Variants in RRM2B observed in about 807,000 individuals in gnomAD.
The protein encoded by RRM2B is ribonucleoside-diphosphate reductase subunit M2 B.
A neutral mutation model predicts 45.9 loss-of-function variants in RRM2B; 20 were observed. The observed-to-expected ratio is 0.44, with a 90% CI of 0.31 to 0.63. The LOEUF is 0.63. Ranked by LOEUF, RRM2B falls within the 30% of genes least tolerant of loss-of-function variation. RRM2B has a pLI of 0.09. For missense variants in RRM2B, 320 were observed against 414.7 expected, an observed-to-expected ratio of 0.77 and a Z score of 1.98; for synonymous variants, 124 against 132.3, an observed-to-expected ratio of 0.94 and a Z score of 0.43.
intron 8 of RRM2B, 51 bp from the exon 9 acceptor site, chr8:102,208,336 C>T (rs1307234448): frequency 7.5e-7 from 1 of 1,329,212 alleles, no homozygotes; most frequent in Non-Finnish European, 1.1e-6. Context: ...CAAATTACAT[C>T]CACAATAAGA....
rs1810777166 is a variant in RRM2B, at chr8:102,218,835, A to G, written c.663T>C (p.Asn221=). The change falls in exon 6 of 9, where the codon AAT becomes AAC. Residue 221 remains asparagine, a synonymous_variant. Coordinates refer to ENST00000251810, the MANE Select transcript of RRM2B (RefSeq NM_015713.5). ...TTACTTCATCTCTGCTGATGAGTTC[A>G]TTGGAAAAAGTGAGTCCTGGCATAA... ...RGLMPGLTFS[N]ELISRDEGLH... is the part of the protein sequence containing the mutation. The G allele has an allele frequency of 7.4e-6, 12 of 1,613,580 alleles. No individual in the cohort carries two copies. Among genetic ancestry groups the G allele is most frequent in the Non-Finnish European group, 9.3e-6 (11 of 1,179,522 alleles).
chr8:102,209,987 C>T (rs1018703261), intron 8 of RRM2B, among the ~76,000 whole-genome samples: 1 of 152,080 alleles, frequency 6.6e-6, no homozygotes, highest in African/African-American at 2.4e-5. Flanking sequence ...TTAGTGGTTG[C>T]CTAAGGCAAG....
chr8:102,222,288 ACTGGTCTTCAACTG>A (rs1378756446), intron 5 of RRM2B, among the ~76,000 whole-genome samples: 1 of 152,086 alleles, frequency 6.6e-6, no homozygotes, highest in Admixed American at 6.6e-5. Flanking sequence ...TGTTGCCCAG[ACTGGTCTTCAACTG>A]CTGGCCTCAA....
At chr8:102,232,917 G>A (rs1811056963) in intron 1 of RRM2B, among the ~76,000 whole-genome samples, 1 of 152,096 alleles carries the variant, frequency 6.6e-6, no homozygotes. Flanking sequence ...ATCTCACTGT[G>A]GGCTGTCTCA....
intron 6 of RRM2B, chr8:102,214,456 C>A: frequency 3.2e-6 from 1 of 309,690 alleles, no homozygotes; most frequent in South Asian, 3.1e-5. Flanking sequence ...GAAAATAAAG[C>A]AAGAAAGCCT....
At position 102,232,263 on chromosome 8, in the gene RRM2B, A is replaced by C; in HGVS notation, c.90T>G (p.Asn30Lys). Residue 30 changes from asparagine to lysine, a missense_variant, in exon 2 of 9, where the codon AAT (asparagine) becomes AAG (lysine). This residue lies in a region of RRM2B where 225 missense variants were observed against 289.4 expected (regional missense o/e 0.78). Transcript: ENST00000251810. Reference protein sequence around the residue: ...SDTNESEIKSNEEPLLRKSSR... With the variant: ...SDTNESEIKSKEEPLLRKSSR... ...AACTCTTTCTTAGGAGTGGCTCTTC[A>C]TTTGACTTTATTTCACTTTCGTTGG... 6.2e-7 allele frequency: 1 copy of C among 1,614,198 alleles called. No homozygotes were observed. The highest frequency in any genetic ancestry group is 8.5e-7 in the Non-Finnish European group (1 of 1,180,010).
intron 8 of RRM2B, among the ~76,000 whole-genome samples, chr8:102,210,579 C>T (rs1022877673): frequency 1.3e-5 from 2 of 152,044 alleles, no homozygotes; most frequent in African/African-American, 2.4e-5. Flanking sequence ...TCTCTCGCCT[C>T]AGCCTCCCGA....
At chr8:102,210,839 ATCC>A (rs1351380052) in intron 8 of RRM2B, among the ~76,000 whole-genome samples, 2 of 151,388 alleles carry the variant, frequency 1.3e-5, no homozygotes, top group Admixed American at 1.3e-4. Context: ...GGGTCGAGCA[ATCC>A]TCCTGCCTTG....
chr8:102,212,796 CA>C lies in RRM2B; in HGVS notation c.882del (p.Val295TrpfsTer23). 1 of 1,595,848 alleles carries C rather than the reference CA, an allele frequency of 6.3e-7. No homozygotes were observed. Among genetic ancestry groups the C allele is most frequent in the East Asian group, 2.2e-5 (1 of 44,682 alleles). ...ATTACCTTTGAGAATCCAAGTTCCACAAGTAATCTGTCAGCTACAAACTCAA... is the reference window on the plus strand; with the variant it reads ...ATTACCTTTGAGAATCCAAGTTCCACAGTAATCTGTCAGCTACAAACTCAA... ...QYIEFVADRL[L>X]VELGFSKVFQ... On this transcript the variant is annotated frameshift_variant, in exon 8 of 9. Coordinates refer to ENST00000251810, the MANE Select transcript of RRM2B (RefSeq NM_015713.5). LOFTEE classifies it high-confidence loss of function.
At position 102,212,833 on chromosome 8, in the gene RRM2B, C is replaced by G. The variant is rs182614164; in HGVS notation, c.846G>C (p.Met282Ile). The change falls in exon 8 of 9, where the codon ATG (methionine) becomes ATC (isoleucine). Residue 282 changes from methionine (M) to isoleucine (I), a missense_variant. Around this residue, in one of 3 missense-constraint regions of RRM2B, gnomAD observed 47 missense variants for 90.0 expected, o/e 0.52. Transcript: ENST00000251810. ...CAGCTACAAACTCAATGTACTGTTTCATCAAAATGCAATTCATTCCAATGA... is the reference window on the plus strand; with the variant it reads ...CAGCTACAAACTCAATGTACTGTTTGATCAAAATGCAATTCATTCCAATGA... ...VGLIGMNCIL[M>I]KQYIEFVADR... 83 of 1,612,338 alleles carry G rather than the reference C, an allele frequency of 5.1e-5. No individual in the cohort carries two copies. The highest frequency in any genetic ancestry group is 6.7e-5 in the Non-Finnish European group (79 of 1,178,626).
chr8:102,217,207 A>G (rs954318276), intron 6 of RRM2B, among the ~76,000 whole-genome samples: 8 of 152,146 alleles, frequency 5.3e-5, no homozygotes, highest in Non-Finnish European at 8.8e-5. Flanking sequence ...GTATTTTGCC[A>G]AGTGGAAAAA....
Position 102,214,147 on chromosome 8 carries a change from A to G in RRM2B, c.696T>C (p.Cys232=). Residue 232 remains cysteine (C), a synonymous_variant, in exon 7 of 9, where the codon TGT becomes TGC. Transcript: ENST00000251810. ...ATTGGAACATCAGGCAAGCAAAGTC[A>G]CAGTGAAGTCCCTAAAAGGGAAGAA... ...ELISRDEGLH[C]DFACLMFQYL... is the part of the protein sequence containing the mutation. The G allele has an allele frequency of 6.2e-6, 10 of 1,611,950 alleles. No individual in the cohort carries two copies. The highest frequency in any genetic ancestry group is 8.5e-6 in the Non-Finnish European group (10 of 1,178,278).
At chr8:102,231,868 C>CAAAAAAAAAAAAAAAA (rs1250881056) in intron 2 of RRM2B, among the ~76,000 whole-genome samples, 1 of 61,706 alleles carries the variant, frequency 1.6e-5, no homozygotes, top group Non-Finnish European at 3.7e-5. Flanking sequence ...GACTCTGTCT[C>CAAAAAAAAAAAAAAAA]AAAAAAAAAA....
At chr8:102,233,431 C>A (rs1811068645) in intron 1 of RRM2B, among the ~76,000 whole-genome samples, 1 of 152,150 alleles carries the variant, frequency 6.6e-6, no homozygotes, top group African/African-American at 2.4e-5. Context: ...AGAAGAGGAA[C>A]CAATTTTTAT....
rs750719095 is a variant in RRM2B at position 102,214,046 on chromosome 8, C to T, written c.789+8G>A. On this transcript the variant is annotated splice_region_variant and intron_variant, in intron 7 of 8. Coordinates refer to ENST00000251810, the MANE Select transcript of RRM2B (RefSeq NM_015713.5). ...AGATGTGCTAATTACACAAACTTCC[C>T]GGTTTACCTGCTCAATTTTGACAGC... is the stretch of plus-strand genomic sequence containing the variant. The T allele has an allele frequency of 1.1e-5, 18 of 1,588,584 alleles. No homozygotes were observed. Among genetic ancestry groups the T allele is most frequent in the Admixed American group, 1.7e-5 (1 of 59,920 alleles).
intron 8 of RRM2B, among the ~76,000 whole-genome samples, chr8:102,211,540 G>T (rs1810636216): frequency 6.6e-6 from 1 of 152,160 alleles, no homozygotes; most frequent in Non-Finnish European, 1.5e-5. Flanking sequence ...AGACCCAAGG[G>T]TCAGCAGTTT....
rs1348927271 is a variant in RRM2B, at chr8:102,218,960, A to G, written c.551-13T>C. The stretch of plus-strand genomic sequence containing the variant: ...ACCACTCTTTCCCCTGGGAGACATA[A>G]AATCGTTTCAATTTTTGAAATATAC... On this transcript the variant is annotated splice_polypyrimidine_tract_variant and intron_variant, in intron 5 of 8. Coordinates refer to ENST00000251810, the MANE Select transcript of RRM2B (RefSeq NM_015713.5). The G allele has an allele frequency of 6.2e-7, 1 of 1,612,492 alleles. No homozygotes were observed. Among genetic ancestry groups the G allele is most frequent in the South Asian group, 1.1e-5 (1 of 91,060 alleles).
chr8:102,214,136 C>T lies in RRM2B; in HGVS notation c.707G>A (p.Cys236Tyr). The T allele has an allele frequency of 6.2e-7, 1 of 1,613,124 alleles. No homozygotes were observed. Among genetic ancestry groups the T allele is most frequent in the Non-Finnish European group, 8.5e-7 (1 of 1,179,350 alleles). ...RDEGLHCDFA[C>Y]LMFQYLVNKP... ...ATTTACTAAGTATTGGAACATCAGGCAAGCAAAGTCACAGTGAAGTCCCTA... is the reference window on the plus strand; with the variant it reads ...ATTTACTAAGTATTGGAACATCAGGTAAGCAAAGTCACAGTGAAGTCCCTA... The change falls in exon 7 of 9, where the codon TGC becomes TAC. Residue 236 changes from cysteine to tyrosine, a missense_variant. Around this residue, in one of 3 missense-constraint regions of RRM2B, gnomAD observed 225 missense variants for 289.4 expected, o/e 0.78. Coordinates refer to ENST00000251810, the MANE Select transcript of RRM2B (RefSeq NM_015713.5).
At chr8:102,222,180 G>A (rs1435847396) in intron 5 of RRM2B, among the ~76,000 whole-genome samples, 1 of 151,652 alleles carries the variant, frequency 6.6e-6, no homozygotes, top group African/African-American at 2.4e-5. Context: ...GGCTTAAGTG[G>A]TCCTCCTCTC....
Sources: gnomAD v4.1 joint callset for allele counts (sites outside exome capture counted in the v4.1 genomes callset) on GRCh38, gnomAD v4.1.1 for gene constraint, gnomAD v4.1.1 regional missense constraint, MANE v1.5 for transcripts, NCBI Gene and HGNC (gene_info 2026-07-23, HGNC 2026-07-21) for gene names.